Variants in BFSP1 observed in about 807,000 individuals in gnomAD.
The protein encoded by BFSP1 is beaded filament structural protein 1, also known as filensin.
A neutral mutation model predicts 43.9 loss-of-function variants in BFSP1; 38 were observed. That is an observed-to-expected ratio of 0.87 (90% CI 0.67 to 1.14). The LOEUF (loss-of-function observed/expected upper bound fraction) is 1.14. Among genes scored for constraint, BFSP1 ranks in the 50% most tolerant of loss-of-function variants. BFSP1 has a pLI of 0.00. For synonymous variants in BFSP1, 352 were observed against 354.8 expected, an observed-to-expected ratio of 0.99 and a Z score of 0.09; for missense variants, 850 against 875.1, an observed-to-expected ratio of 0.97 and a Z score of 0.36.
At chr20:17,551,843 G>C (rs935755564) in intron 1 of BFSP1, among the ~76,000 whole-genome samples, 2 of 152,030 alleles carry the variant, frequency 1.3e-5, no homozygotes, top group African/African-American at 4.8e-5. Context: ...ACATTAGCTG[G>C]GCATGGTGGC....
At chr20:17,532,579 C>T (rs1336349912), upstream of BFSP1, among the ~76,000 whole-genome samples, 1 of 151,858 alleles carries the variant, frequency 6.6e-6, no homozygotes, top group Admixed American at 6.5e-5. Context: ...GGCCAACCCT[C>T]AATTCGAGAA....
In BFSP1 at chr20:17,495,011, T is replaced by C. The variant is rs1432999613; in HGVS notation, c.1061A>G (p.Gln354Arg). The C allele has an allele frequency of 6.2e-7, 1 of 1,612,076 alleles. No homozygotes were observed. The highest frequency in any genetic ancestry group is 8.5e-7 in the Non-Finnish European group (1 of 1,179,316). ...SGGKDLTRAL[Q>R]DITAAKPRQK... The stretch of plus-strand genomic sequence containing the variant: ...TCTTGGTTTTGCTGCTGTTATATCC[T>C]GCAGAGCTCTGGTAAGATCTGGAAA... The change falls in exon 8 of 8, where the codon CAG becomes CGG. Residue 354 changes from glutamine (Q) to arginine (R), a missense_variant. By Grantham distance (43) the Gln-to-Arg change is conservative (BLOSUM62 1). Transcript: ENST00000377873.
chr20:17,499,397 G>C (rs1396177719), intron 5 of BFSP1, among the ~76,000 whole-genome samples: 1 of 144,892 alleles, frequency 6.9e-6, no homozygotes, highest in Admixed American at 7.0e-5. Context: ...GCACCAACAT[G>C]CTGGGCTTTT....
rs1173132500 is a variant in BFSP1 at position 17,507,787 on chromosome 20, T to C, written c.735+1102A>G. On this transcript the variant is annotated intron_variant, in intron 5 of 7. Coordinates refer to ENST00000377873, the MANE Select transcript of BFSP1 (RefSeq NM_001195.5). This position sits in a 1 kb window ranked among gnomAD's most constrained non-coding sequence, Gnocchi z 4.4. The stretch of plus-strand genomic sequence containing the variant: ...TTTGTCTCACAAGAAGGAGGAGTTT[T>C]AAGTGCCTTACTTGGTTCCTCCTGC... 1.3e-5 allele frequency among the ~76,000 whole-genome samples: 2 copies of C among 152,180 alleles called. No individual in the cohort carries two copies. Among genetic ancestry groups the C allele is most frequent in the Non-Finnish European group, 2.9e-5 (2 of 68,032 alleles).
At chr20:17,559,492 G>A (rs2035046977), upstream of BFSP1, among the ~76,000 whole-genome samples, 1 of 152,164 alleles carries the variant, frequency 6.6e-6, no homozygotes, top group Non-Finnish European at 1.5e-5. Context: ...TCCCAAAGGG[G>A]TGCACCTTGC....
chr20:17,513,812 A>G (rs115344961), intron 3 of BFSP1, among the ~76,000 whole-genome samples: 2,100 of 152,360 alleles, frequency 0.014, 46 homozygotes, highest in African/African-American at 0.048. Flanking sequence ...AGCGAGGGCT[A>G]TTACCAATGG....
chr20:17,518,483 CG>C (rs1306868967), intron 2 of BFSP1, among the ~76,000 whole-genome samples: 2 of 152,176 alleles, frequency 1.3e-5, no homozygotes, highest in Non-Finnish European at 2.9e-5. Context: ...CTACCCGGCC[CG>C]GGGCGATCAG....
chr20:17,538,871 A>G (rs2034671426), intron 1 of BFSP1, among the ~76,000 whole-genome samples: 1 of 152,162 alleles, frequency 6.6e-6, no homozygotes, highest in African/African-American at 2.4e-5. Flanking sequence ...TCTCTAAGAT[A>G]TCATTAAACA....
intron 5 of BFSP1, among the ~76,000 whole-genome samples, chr20:17,502,635 T>G (rs1236143304): frequency 6.6e-6 from 1 of 152,058 alleles, no homozygotes; most frequent in East Asian, 1.9e-4. Context: ...GGGTGAGGGG[T>G]ATATATTGGA....
At chr20:17,543,648 T>C (rs1379793728) in intron 1 of BFSP1, among the ~76,000 whole-genome samples, 3 of 152,168 alleles carry the variant, frequency 2.0e-5, no homozygotes, top group African/African-American at 4.8e-5. Context: ...TTACTGTTGA[T>C]AGGTTACAAA....
At chr20:17,502,196 C>A (rs2033820615) in intron 5 of BFSP1, among the ~76,000 whole-genome samples, 1 of 152,054 alleles carries the variant, frequency 6.6e-6, no homozygotes, top group Non-Finnish European at 1.5e-5. Flanking sequence ...AAAATAGTAC[C>A]TTTCCGGTGG....
chr20:17,541,263 G>T (rs948388988), intron 1 of BFSP1: 2 of 982,308 alleles, frequency 2.0e-6, no homozygotes, highest in Non-Finnish European at 2.4e-6. Context: ...TAAAGTTTTT[G>T]CATGTTGGGA....
chr20:17,566,005 C>G (rs1265619900), intron 1 of BFSP1, among the ~76,000 whole-genome samples: 2 of 151,542 alleles, frequency 1.3e-5, no homozygotes, highest in African/African-American at 4.8e-5. Context: ...GTAATCCCAG[C>G]TACTCGGGAG....
chr20:17,549,128 G>A (rs1193700869), intron 1 of BFSP1, among the ~76,000 whole-genome samples: 1 of 152,124 alleles, frequency 6.6e-6, no homozygotes, highest in African/African-American at 2.4e-5. Flanking sequence ...CCCTTTTGCA[G>A]CACTTGATCT....
chr20:17,524,791 C>T lies in BFSP1; in HGVS notation c.438+57G>A, dbSNP rs2034385159. 6 of 1,566,006 alleles carry T rather than the reference C, an allele frequency of 3.8e-6. No individual in the cohort carries two copies. The South Asian group carries it at 5.6e-5, about 14-fold the overall frequency. ...GAAGCCTGTAAAACCTGCACTTCCACCATTCCATTCAACACTGTAATTAAG... is the reference window on the plus strand; with the variant it reads ...GAAGCCTGTAAAACCTGCACTTCCATCATTCCATTCAACACTGTAATTAAG... On this transcript the variant is annotated intron_variant, in intron 2 of 7. Transcript: ENST00000377873.
At chr20:17,523,431 A>G (rs2034356725) in intron 2 of BFSP1, among the ~76,000 whole-genome samples, 1 of 151,948 alleles carries the variant, frequency 6.6e-6, no homozygotes, top group Non-Finnish European at 1.5e-5. Context: ...TCTGAAGGCC[A>G]TGTTCTGGCA....
intron 6 of BFSP1, among the ~76,000 whole-genome samples, chr20:17,497,268 G>A (rs1161645019): frequency 6.6e-6 from 1 of 151,914 alleles, no homozygotes; most frequent in Non-Finnish European, 1.5e-5. Flanking sequence ...TTGTAAAGTG[G>A]GGATTGCTTA....
intron 1 of BFSP1, among the ~76,000 whole-genome samples, chr20:17,554,654 A>T (rs2034960495): frequency 6.6e-6 from 1 of 152,240 alleles, no homozygotes; most frequent in African/African-American, 2.4e-5. Flanking sequence ...AGAACAGATG[A>T]TGGAATATTA....
At position 17,494,500 on chromosome 20, in the gene BFSP1, C is replaced by T; in HGVS notation, c.1572G>A (p.Gly524=). 3.1e-6 allele frequency: 5 copies of T among 1,614,224 alleles called. No homozygotes were observed. The highest frequency in any genetic ancestry group is 1.7e-5 in the Admixed American group (1 of 60,030). ...PESPKPPLEN[G]QVGLQEKEDG... ...CTTCTTTCTCCTGCAGACCCACCTGCCCATTCTCTAAAGGGGGCTTGGGTG... is the reference window on the plus strand; with the variant it reads ...CTTCTTTCTCCTGCAGACCCACCTGTCCATTCTCTAAAGGGGGCTTGGGTG... The change falls in exon 8 of 8, where the codon GGG becomes GGA. Residue 524 remains glycine (G), a synonymous_variant. Coordinates refer to ENST00000377873, the MANE Select transcript of BFSP1 (RefSeq NM_001195.5).
Sources: allele counts gnomAD v4.1 joint callset (sites outside exome capture counted in the v4.1 genomes callset), GRCh38; gene constraint gnomAD v4.1.1; non-coding constraint Gnocchi (gnomAD v3.1); transcripts MANE v1.5; gene names NCBI Gene and HGNC (gene_info 2026-07-23, HGNC 2026-07-21).